Variants in SARDH observed in about 807,000 individuals in gnomAD.
SARDH encodes sarcosine dehydrogenase, mitochondrial.
A neutral mutation model predicts 109.1 loss-of-function variants in SARDH; 95 were observed. That is an observed-to-expected ratio of 0.87 (90% confidence interval 0.74 to 1.03). The LOEUF (loss-of-function observed/expected upper bound fraction) is 1.03. SARDH is among the 50% of genes least tolerant of loss of function. The pLI is 0.00. For missense variants in SARDH, 1,267 were observed against 1,287.8 expected, an observed-to-expected ratio of 0.98 and a Z score of 0.25; for synonymous variants, 572 against 534.8, an observed-to-expected ratio of 1.07 and a Z score of -0.96.
chr9:133,726,692 C>T (rs1167137399), intron 6 of SARDH, among the ~76,000 whole-genome samples: 1 of 152,192 alleles, frequency 6.6e-6, no homozygotes, highest in Non-Finnish European at 1.5e-5. Flanking sequence ...GCCCTGGTGC[C>T]ACTGACTCCC....
intron 16 of SARDH, among the ~76,000 whole-genome samples, chr9:133,688,854 T>C (rs1830986201): frequency 6.6e-6 from 1 of 152,204 alleles, no homozygotes; most frequent in African/African-American, 2.4e-5. Context: ...AGTCAAACAC[T>C]TGGCAGAAGC....
intron 2 of SARDH, 109 bp from the exon 3 acceptor site, chr9:133,732,710 G>T: frequency 7.9e-7 from 1 of 1,273,322 alleles, no homozygotes; most frequent in Non-Finnish European, 1.1e-6. Context: ...GTCTTTCTCT[G>T]CAAGGTCTTT....
Position 133,671,577 on chromosome 9 carries a change from T to G in SARDH, c.2284A>C (p.Asn762His), listed in dbSNP as rs147028436. 1.9e-6 allele frequency: 3 copies of G among 1,608,600 alleles called. No individual in the cohort carries two copies. The highest frequency in any genetic ancestry group is 2.7e-5 in the African/African-American group (2 of 74,784). Residue 762 changes from asparagine to histidine, a missense_variant, in exon 18 of 21, where the codon AAC (asparagine) becomes CAC (histidine). Physicochemically the swap from Asn to His is moderately conservative, Grantham distance 68 (BLOSUM62 1). Coordinates refer to ENST00000439388, the MANE Select transcript of SARDH (RefSeq NM_001134707.2). The part of the protein sequence containing the change: ...MAAGAKHGLI[N>H]AGYRAIDSLS... ...GAGTCGATGGCGCGGTACCCTGCGT[T>G]GATGAGGCCGTGCTTGGCACCCGCG... is the stretch of plus-strand genomic sequence containing the variant.
chr9:133,709,256 C>T lies in SARDH; in HGVS notation c.1329-828G>A, dbSNP rs944488449. Among the ~76,000 whole-genome samples, 3 of 152,174 alleles carry T rather than the reference C, an allele frequency of 2.0e-5. No homozygotes were observed. The highest frequency in any genetic ancestry group is 1.3e-4 in the Admixed American group (2 of 15,284). On this transcript the variant is annotated intron_variant, in intron 10 of 20. Coordinates refer to ENST00000439388, the MANE Select transcript of SARDH (RefSeq NM_001134707.2). This position sits in a 1 kb window ranked among gnomAD's most constrained non-coding sequence, Gnocchi z 4.2. ...CTACGGAGCTCTGTGGCTGCACCTG[C>T]GGCCTAGGCCTCTGCTGCCCCTGAG... is the stretch of plus-strand genomic sequence containing the variant.
chr9:133,714,657 G>A (rs1832053751), intron 8 of SARDH, among the ~76,000 whole-genome samples: 1 of 152,216 alleles, frequency 6.6e-6, no homozygotes, highest in African/African-American at 2.4e-5. Context: ...GAGCGAGCCT[G>A]TAGTTCCAGC....
intron 8 of SARDH, among the ~76,000 whole-genome samples, 181 bp from the exon 9 acceptor site, chr9:133,713,305 C>G (rs572708881): frequency 1.3e-5 from 2 of 152,190 alleles, no homozygotes; most frequent in East Asian, 1.9e-4. Flanking sequence ...GGCTCCTGCC[C>G]GTGCTCTCTG....
intron 17 of SARDH, among the ~76,000 whole-genome samples, chr9:133,684,965 C>T (rs568604840): frequency 6.6e-6 from 1 of 152,290 alleles, no homozygotes; most frequent in South Asian, 2.1e-4. Context: ...CACCAGGCAC[C>T]GAGGAGGGAT....
intron 1 of SARDH, among the ~76,000 whole-genome samples, chr9:133,735,603 C>A (rs530507343): frequency 2.0e-4 from 30 of 152,306 alleles, no homozygotes; most frequent in African/African-American, 6.7e-4. Context: ...TAACTGAGCT[C>A]GTGTTAACTG....
intron 5 of SARDH, 92 bp from the exon 6 acceptor site, chr9:133,729,957 C>A: frequency 6.3e-7 from 1 of 1,589,868 alleles, no homozygotes; most frequent in Non-Finnish European, 8.6e-7. Context: ...GACCTGTCTG[C>A]CCTAGCAGGG....
In SARDH at chr9:133,701,288, T is replaced by C. The variant is rs1004896195; in HGVS notation, c.1668+1628A>G. Reference sequence around the variant, plus strand: ...TGCCCCAGAGAGCTGGTTGTTAAGCTGTTACCAGCACACCACAGGGACCAT... The same window carrying C: ...TGCCCCAGAGAGCTGGTTGTTAAGCCGTTACCAGCACACCACAGGGACCAT... On this transcript the variant is annotated intron_variant, in intron 13 of 20. Coordinates refer to ENST00000439388, the MANE Select transcript of SARDH (RefSeq NM_001134707.2). Among the ~76,000 whole-genome samples the C allele has an allele frequency of 6.6e-5, 10 of 152,376 alleles. No homozygotes were observed. In the South Asian group the frequency reaches 1.9e-3, roughly 28 times the overall value.
At chr9:133,708,567 A>C in intron 10 of SARDH, 139 bp from the exon 11 acceptor site, 1 of 1,121,788 alleles carries the variant, frequency 8.9e-7, no homozygotes, top group Admixed American at 3.0e-5. Flanking sequence ...CGGGCCCCTG[A>C]CTCTCCATTC....
At chr9:133,679,338 C>T (rs548870262) in intron 17 of SARDH, among the ~76,000 whole-genome samples, 1 of 152,356 alleles carries the variant, frequency 6.6e-6, no homozygotes, top group African/African-American at 2.4e-5. Flanking sequence ...AGTTATCTAA[C>T]GTGTGTGGGT....
chr9:133,668,275 G>GTCCCTCACCC lies in SARDH; in HGVS notation c.2496-1406_2496-1405insGGGTGAGGGA, dbSNP rs1564226987. ...TGACGACGACACGGCTCCACTCACC[G>GTCCCTCACCC]TCCCTCTCCCTCCCTCTCCCTCCCT... On this transcript the variant is annotated intron_variant, in intron 19 of 20. Coordinates refer to ENST00000439388, the MANE Select transcript of SARDH (RefSeq NM_001134707.2). Among the ~76,000 whole-genome samples, 483 of 107,346 alleles carry GTCCCTCACCC rather than the reference G, an allele frequency of 4.5e-3. 27 individuals carry two copies. Among genetic ancestry groups the GTCCCTCACCC allele is most frequent in the African/African-American group, 0.017 (451 of 25,774 alleles). 70.4% of individuals were successfully genotyped at this position (107,346 alleles called of 152,430 possible).
chr9:133,671,759 C>T, intron 17 of SARDH, 62 bp from the exon 18 acceptor site: 1 of 1,502,724 alleles, frequency 6.7e-7, no homozygotes. Flanking sequence ...CAGGCCCAGG[C>T]CACCACTTCC....
downstream of SARDH, among the ~76,000 whole-genome samples, chr9:133,663,133 C>A (rs1829939648): frequency 6.6e-6 from 1 of 152,210 alleles, no homozygotes; most frequent in Non-Finnish European, 1.5e-5. Flanking sequence ...CAGACTCTTA[C>A]CCAGCAGCAC....
intron 17 of SARDH, 77 bp from the exon 18 acceptor site, chr9:133,671,774 G>A (rs1830360907): frequency 3.4e-6 from 5 of 1,479,476 alleles, no homozygotes; most frequent in Non-Finnish European, 4.5e-6. Flanking sequence ...ACTTCCTGGT[G>A]GCAGCTCCTA....
chr9:133,673,136 C>T (rs147831619), intron 17 of SARDH, among the ~76,000 whole-genome samples: 1,956 of 152,332 alleles, frequency 0.013, 18 homozygotes, highest in Middle Eastern at 0.024. Flanking sequence ...GGGTGTGTCC[C>T]GCACGCCTGC....
rs1357512346 is a variant in SARDH at position 133,663,639 on chromosome 9, C to T, written c.*250G>A. ...GGGCTACAAGCCATGGTCCCTGAGC[C>T]CAAGACACTTACAGGTTTGCTTTCT... On this transcript the variant is annotated 3_prime_UTR_variant, in exon 21 of 21. Coordinates refer to ENST00000439388, the MANE Select transcript of SARDH (RefSeq NM_001134707.2). 10 of 532,060 alleles carry T rather than the reference C, an allele frequency of 1.9e-5. No individual in the cohort carries two copies. In the East Asian group the frequency reaches 3.1e-4, roughly 17 times the overall value. The allele number at this position is 532,060 out of a possible 1,614,324, so 33.0% of individuals were successfully genotyped here.
At chr9:133,676,901 G>A (rs1415297251) in intron 17 of SARDH, among the ~76,000 whole-genome samples, 1 of 152,234 alleles carries the variant, frequency 6.6e-6, no homozygotes, top group Admixed American at 6.5e-5. Context: ...CACTTTGGGA[G>A]GCCGAGTTGG....
Sources: gnomAD v4.1 joint callset for allele counts (sites outside exome capture counted in the v4.1 genomes callset) on GRCh38, gnomAD v4.1.1 for gene constraint, Gnocchi (gnomAD v3.1) non-coding constraint, MANE v1.5 for transcripts, NCBI Gene and HGNC (gene_info 2026-07-23, HGNC 2026-07-21) for gene names.